RAB3GAP1: variants seen among roughly 807,000 people sequenced by gnomAD.
RAB3GAP1 encodes rab3 GTPase-activating protein catalytic subunit.
In RAB3GAP1, 86 loss-of-function variants were observed where a neutral mutation model predicts 130.7. That is an observed-to-expected ratio of 0.66 (90% CI 0.55 to 0.79). The LOEUF (loss-of-function observed/expected upper bound fraction) is 0.79. Ranked by LOEUF, RAB3GAP1 falls within the 30% of genes least tolerant of loss-of-function variation. RAB3GAP1 has a pLI of 0.00. For missense variants in RAB3GAP1, 1,029 were observed against 1,169.4 expected (o/e 0.88, Z 1.75); for synonymous variants, 367 against 401.7 (o/e 0.91, Z 1.03).
intron 17 of RAB3GAP1, among the ~76,000 whole-genome samples, chr2:135,144,645 T>C (rs1398444346): frequency 6.6e-6 from 1 of 152,250 alleles, no homozygotes; most frequent in Non-Finnish European, 1.5e-5. Context: ...AGGACCTGCC[T>C]CTTACCTGCC....
intron 11 of RAB3GAP1, among the ~76,000 whole-genome samples, chr2:135,127,823 C>T (rs1691401658): frequency 6.6e-6 from 1 of 152,146 alleles, no homozygotes; most frequent in African/African-American, 2.4e-5. Flanking sequence ...AATTGCTATT[C>T]AGATAATATT....
chr2:135,164,703 GA>G lies in RAB3GAP1; in HGVS notation c.2709+8del. On this transcript the variant is annotated splice_region_variant and intron_variant, in intron 23 of 23. Transcript: ENST00000264158. Reference sequence around the variant, plus strand: ...GTTTGTGAATGCCCAGAGGGTATGTGAGAGTCATTATTGACTCCATCATAAT... The same window carrying G: ...GTTTGTGAATGCCCAGAGGGTATGTGGAGTCATTATTGACTCCATCATAAT... 1.9e-6 allele frequency: 3 copies of G among 1,587,010 alleles called. No homozygotes were observed. The Admixed American group carries it at 5.0e-5, about 27-fold the overall frequency.
intron 19 of RAB3GAP1, among the ~76,000 whole-genome samples, chr2:135,154,445 A>G (rs929687824): frequency 1.3e-5 from 2 of 152,116 alleles, no homozygotes; most frequent in African/African-American, 2.4e-5. Flanking sequence ...CGTGAAATCA[A>G]TAAGTAAATA....
chr2:135,115,954 G>A (rs975507108), intron 7 of RAB3GAP1, among the ~76,000 whole-genome samples: 3 of 152,140 alleles, frequency 2.0e-5, no homozygotes, highest in Admixed American at 2.0e-4. Flanking sequence ...GGGGTTGGGG[G>A]GAATGGGGCT....
rs1209024230 is a variant in RAB3GAP1, at chr2:135,161,427, C to T, written c.2290-1128C>T. On this transcript the variant is annotated intron_variant, in intron 19 of 23. Transcript: ENST00000264158. ...AGTCACTGAGGGCTATAAACAGAAA[C>T]ACTCCATTAATATAAAGGTTAAAAC... Among the ~76,000 whole-genome samples the T allele has an allele frequency of 2.6e-5, 4 of 151,892 alleles. No individual in the cohort carries two copies. In the East Asian group the frequency reaches 7.7e-4, roughly 29 times the overall value.
intron 17 of RAB3GAP1, among the ~76,000 whole-genome samples, chr2:135,138,060 C>CA (rs2104955857): frequency 6.6e-6 from 1 of 152,092 alleles, no homozygotes; most frequent in East Asian, 1.9e-4. Context: ...TTCCTGAACT[C>CA]AAGCCATCTG....
chr2:135,052,965 C>T (rs58969151), intron 2 of RAB3GAP1, among the ~76,000 whole-genome samples: 16,843 of 152,200 alleles, frequency 0.11, 2,338 homozygotes, highest in African/African-American at 0.33. Context: ...CACACTCCCA[C>T]CATCTCCATG....
At chr2:135,136,641 GT>G in intron 17 of RAB3GAP1, 1 of 1,080,746 alleles carries the variant, frequency 9.3e-7, no homozygotes, top group Non-Finnish European at 1.2e-6. Context: ...ACTTATGTAT[GT>G]TTTTGTTTAA....
At chr2:135,126,081 C>T (rs1282365206) in intron 9 of RAB3GAP1, 100 bp from the exon 10 acceptor site, 9 of 884,946 alleles carry the variant, frequency 1.0e-5, no homozygotes, top group African/African-American at 3.4e-5. Context: ...AATAATGCCA[C>T]TGTAACATAC....
At position 135,052,455 on chromosome 2, in the gene RAB3GAP1, C is replaced by T. The variant is rs1188480073; in HGVS notation, c.44C>T (p.Thr15Met). 1 of 1,614,042 alleles carries T rather than the reference C, an allele frequency of 6.2e-7. No individual in the cohort carries two copies. Residue 15 changes from threonine to methionine, a missense_variant, in exon 2 of 24, where the codon ACG becomes ATG. Thr to Met is a moderately conservative substitution (Grantham distance 81). Transcript: ENST00000264158. ...CCCGAATCCGAGGTATTTGAGATCA[C>T]GGACTTCACCACTGCCTCGGAATGG... ...SEPESEVFEI[T>M]DFTTASEWER...
chr2:135,131,518 C>G (rs980777472), intron 13 of RAB3GAP1, among the ~76,000 whole-genome samples: 2 of 152,192 alleles, frequency 1.3e-5, no homozygotes, highest in Non-Finnish European at 2.9e-5. Flanking sequence ...GCGTGAGCCA[C>G]CGCACCTGGC....
chr2:135,063,323 G>C (rs1423567584), intron 3 of RAB3GAP1, among the ~76,000 whole-genome samples: 1 of 151,778 alleles, frequency 6.6e-6, no homozygotes, highest in Non-Finnish European at 1.5e-5. Context: ...TTTTTTTGTT[G>C]TAAAATGTAA....
rs149260582 is a variant in RAB3GAP1 at position 135,076,190 on chromosome 2, G to A, written c.151-14808G>A. Among the ~76,000 whole-genome samples, 882 of 152,264 alleles carry A rather than the reference G, an allele frequency of 5.8e-3. 9 individuals carry two copies. Among genetic ancestry groups the A allele is most frequent in the East Asian group, 0.023 (117 of 5,182 alleles). ...CCGAAAGTGCTGGGATTACAGGCGT[G>A]AGCCACCGTGCCCGGCCTTCTGTAA... is the stretch of plus-strand genomic sequence containing the variant. On this transcript the variant is annotated intron_variant, in intron 3 of 23. Coordinates refer to ENST00000264158, the MANE Select transcript of RAB3GAP1 (RefSeq NM_012233.3).
intron 3 of RAB3GAP1, among the ~76,000 whole-genome samples, chr2:135,074,121 G>A (rs906378558): frequency 8.1e-4 from 124 of 152,320 alleles, no homozygotes; most frequent in African/African-American, 2.7e-3. Flanking sequence ...GAGGGGAAAG[G>A]GATGAGGGAA....
chr2:135,103,034 G>GTTTTT (rs1355666279), intron 5 of RAB3GAP1, among the ~76,000 whole-genome samples: 1 of 100,476 alleles, frequency 1.0e-5, no homozygotes, highest in Non-Finnish European at 1.7e-5. Flanking sequence ...TCATTTTTGT[G>GTTTTT]ATTTTTTTTT....
Position 135,115,522 on chromosome 2 carries a change from A to G in RAB3GAP1, c.648+141A>G, listed in dbSNP as rs562678123. The G allele has an allele frequency of 1.3e-4, 109 of 834,902 alleles. No homozygotes were observed. The South Asian group carries it at 2.3e-3, about 18-fold the overall frequency. 51.7% of individuals were successfully genotyped at this position (834,902 alleles called of 1,614,324 possible). On this transcript the variant is annotated intron_variant, in intron 7 of 23. Coordinates refer to ENST00000264158, the MANE Select transcript of RAB3GAP1 (RefSeq NM_012233.3). The stretch of plus-strand genomic sequence containing the variant: ...AGAAGAAAGCTATAAGTGACTACAT[A>G]AATTACTTTGTAATTTCTAAGAAAC...
chr2:135,106,601 G>A (rs972988963), intron 5 of RAB3GAP1, among the ~76,000 whole-genome samples: 1 of 151,742 alleles, frequency 6.6e-6, no homozygotes, highest in South Asian at 2.1e-4. Context: ...AAGTATCCAG[G>A]GACACAAACA....
rs767565040 is a variant in RAB3GAP1, at chr2:135,129,974, A to G, written c.974-21A>G. ...TTTTTTTTTCAGTTAAGTGTCAAAA[A>G]TAACTTTTTTTCCTACATAGGTGAT... On this transcript the variant is annotated intron_variant, in intron 11 of 23. Coordinates refer to ENST00000264158, the MANE Select transcript of RAB3GAP1 (RefSeq NM_012233.3). The G allele has an allele frequency of 3.9e-6, 6 of 1,545,980 alleles. 1 individual carries two copies. Among genetic ancestry groups the G allele is most frequent in the Non-Finnish European group, 4.5e-6 (5 of 1,121,944 alleles).
chr2:135,098,201 T>C (rs1690354452), intron 5 of RAB3GAP1, among the ~76,000 whole-genome samples: 1 of 152,170 alleles, frequency 6.6e-6, no homozygotes, highest in Non-Finnish European at 1.5e-5. Flanking sequence ...GTTTGTTTTC[T>C]TTTTTGGGGG....
Sources: gnomAD v4.1 joint callset for allele counts (sites outside exome capture counted in the v4.1 genomes callset) on GRCh38, gnomAD v4.1.1 for gene constraint, MANE v1.5 for transcripts, NCBI Gene and HGNC (gene_info 2026-07-23, HGNC 2026-07-21) for gene names.